The following FRY variants were observed in gnomAD, a reference collection of about 807,000 sequenced individuals.
FRY encodes the protein FRY microtubule binding protein.
A neutral mutation model predicts 348.4 loss-of-function variants in FRY; 128 were observed. The ratio of observed to expected loss-of-function variants is 0.37; its 90% CI spans 0.32 to 0.43. FRY has a LOEUF of 0.43. FRY is among the 20% of genes least tolerant of loss of function. The probability of loss-of-function intolerance (pLI) is 1.00; values close to 1 mark genes in which losing one functional copy is unlikely to be tolerated. For synonymous variants in FRY, 1,370 were observed against 1,374.7 expected, an observed-to-expected ratio of 1.00 and a Z score of 0.08; for missense variants, 2,736 against 3,695.2, an observed-to-expected ratio of 0.74 and a Z score of 6.73.
intron 1 of FRY, among the ~76,000 whole-genome samples, chr13:32,051,202 T>TC (rs1314171466): frequency 1.3e-5 from 2 of 152,222 alleles, no homozygotes; most frequent in Non-Finnish European, 2.9e-5. Context: ...AATGACCGTT[T>TC]CCCTTTTATT....
chr13:32,139,605 G>T (rs1160264155), intron 11 of FRY, among the ~76,000 whole-genome samples: 1 of 152,202 alleles, frequency 6.6e-6, no homozygotes, highest in Non-Finnish European at 1.5e-5. Context: ...TCAGAAGCAG[G>T]TTGCTTTGGG....
At position 32,289,738 on chromosome 13, in the gene FRY, C is replaced by T; in HGVS notation, c.8575C>T (p.Pro2859Ser). 1.9e-6 allele frequency: 3 copies of T among 1,579,896 alleles called. No homozygotes were observed. The highest frequency in any genetic ancestry group is 2.6e-6 in the Non-Finnish European group (3 of 1,148,730). ...IGQVHEVSSM[P>S]ELLNMSRELS... ...CCAGGTGCACGAAGTTAGCTCCATGCCAGAGGTGAGTCCACACGCTTCCCA... is the reference window on the plus strand; with the variant it reads ...CCAGGTGCACGAAGTTAGCTCCATGTCAGAGGTGAGTCCACACGCTTCCCA... Residue 2859 changes from proline (P) to serine (S), a missense_variant, in exon 59 of 61, where the codon CCA becomes TCA. Physicochemically the swap from Pro to Ser is moderately conservative, Grantham distance 74. Coordinates refer to ENST00000542859, the MANE Select transcript of FRY (RefSeq NM_023037.3).
At chr13:32,177,209 A>C (rs532008911) in intron 20 of FRY, among the ~76,000 whole-genome samples, 13 of 152,352 alleles carry the variant, frequency 8.5e-5, no homozygotes, top group African/African-American at 2.9e-4. Flanking sequence ...ACAAAATGGA[A>C]TATAAGAACT....
In FRY at chr13:32,209,122, G is replaced by A; in HGVS notation, c.4275+13G>A. On this transcript the variant is annotated intron_variant, in intron 32 of 60. Coordinates refer to ENST00000542859, the MANE Select transcript of FRY (RefSeq NM_023037.3). ...CATGACGGCCAAGGTAAACTCAGAG[G>A]AATTGTGCTTCAAATAGCATGGCTC... 1 of 1,613,886 alleles carries A rather than the reference G, an allele frequency of 6.2e-7. No homozygotes were observed. Among genetic ancestry groups the A allele is most frequent in the Non-Finnish European group, 8.5e-7 (1 of 1,180,022 alleles).
chr13:32,138,145 G>GT (rs33953205), intron 11 of FRY, among the ~76,000 whole-genome samples: 5,310 of 145,888 alleles, frequency 0.036, 187 homozygotes, highest in East Asian at 0.088. Flanking sequence ...TTGTTTTTTT[G>GT]TTTTTTTTTT....
intron 17 of FRY, among the ~76,000 whole-genome samples, chr13:32,161,849 C>G (rs1434115790): frequency 2.6e-5 from 4 of 152,188 alleles, no homozygotes; most frequent in African/African-American, 9.7e-5. Context: ...CCAATGAGAA[C>G]CTAAAATTTA....
At chr13:32,061,073 G>A (rs1336912811) in intron 1 of FRY, 4 of 532,152 alleles carry the variant, frequency 7.5e-6, no homozygotes, top group Non-Finnish European at 1.5e-5. Flanking sequence ...AGCTGTTCCA[G>A]ACTGTTAGTT....
chr13:32,082,336 G>A (rs1252947549), intron 2 of FRY, among the ~76,000 whole-genome samples: 2 of 151,760 alleles, frequency 1.3e-5, no homozygotes, highest in South Asian at 2.1e-4. Context: ...CCCAAAAGAT[G>A]CTCAGGTCAT....
At chr13:32,178,068 G>C (rs747244213) in intron 20 of FRY, 109 bp from the exon 21 acceptor site, 1 of 1,141,580 alleles carries the variant, frequency 8.8e-7, no homozygotes, top group Non-Finnish European at 1.3e-6. Context: ...AGCCAGCCCA[G>C]TGCACTCAGC....
intron 35 of FRY, among the ~76,000 whole-genome samples, chr13:32,218,105 T>A (rs1418616970): frequency 2.0e-5 from 3 of 152,346 alleles, no homozygotes; most frequent in Non-Finnish European, 4.4e-5. Flanking sequence ...GACCACCTAC[T>A]GTGTGTCAGG....
chr13:32,245,183 C>T (rs941184073), intron 47 of FRY, among the ~76,000 whole-genome samples: 5 of 151,984 alleles, frequency 3.3e-5, no homozygotes, highest in South Asian at 2.1e-4. Context: ...CTCCTGACCT[C>T]GTGATCCACC....
chr13:32,079,102 A>G, intron 2 of FRY, 69 bp downstream of exon 2: 2 of 1,045,608 alleles, frequency 1.9e-6, no homozygotes, highest in East Asian at 2.4e-5. Flanking sequence ...AGATTTAAAC[A>G]CTATAACAAA....
In FRY at chr13:32,236,301, A is replaced by G. The variant is rs1593782164; in HGVS notation, c.5810+129A>G. 7.1e-6 allele frequency: 5 copies of G among 699,646 alleles called. No individual in the cohort carries two copies. In the East Asian group the frequency reaches 1.1e-4, roughly 15 times the overall value. 43.3% of individuals were successfully genotyped at this position (699,646 alleles called of 1,614,324 possible). A position where few individuals can be genotyped will look rare whatever the true frequency, so the allele number is the denominator to read the frequency against. ...AAGTATATTTATGACCTGAAAAAGTATGTGTAATACTTTCTTAAGTTAAAA... is the reference window on the plus strand; with the variant it reads ...AAGTATATTTATGACCTGAAAAAGTGTGTGTAATACTTTCTTAAGTTAAAA... On this transcript the variant is annotated intron_variant, in intron 43 of 60. Transcript: ENST00000542859.
At chr13:32,141,524 G>C (rs542739721) in intron 11 of FRY, among the ~76,000 whole-genome samples, 34 of 152,274 alleles carry the variant, frequency 2.2e-4, no homozygotes, top group African/African-American at 7.9e-4. Flanking sequence ...ACATACATAA[G>C]AATTCCTACA....
At chr13:32,101,877 G>C in intron 2 of FRY, 86 bp from the exon 3 acceptor site, 1 of 832,456 alleles carries the variant, frequency 1.2e-6, no homozygotes, top group Admixed American at 1.8e-5. Flanking sequence ...AAATGAGTGA[G>C]AAAAAATGGA....
rs537284710 is a variant in FRY at position 32,297,038 on chromosome 13, T to G, written c.*1578T>G. On this transcript the variant is annotated 3_prime_UTR_variant, in exon 61 of 61. Transcript: ENST00000542859. ...CCCCAGGAACACAGGGAGAAACATG[T>G]AACAATCTCATTTATGCCGTCTTTC... is the stretch of plus-strand genomic sequence containing the variant. The G allele has an allele frequency of 2.0e-5, 3 of 152,254 alleles. No homozygotes were observed. The highest frequency in any genetic ancestry group is 2.9e-5 in the Non-Finnish European group (2 of 68,034). The allele number at this position is 152,254 out of a possible 1,614,324, so 9.4% of individuals were successfully genotyped here.
intron 2 of FRY, among the ~76,000 whole-genome samples, chr13:32,085,632 G>T (rs1875805320): frequency 6.6e-6 from 1 of 152,138 alleles, no homozygotes; most frequent in African/African-American, 2.4e-5. Flanking sequence ...ACACTCCTGA[G>T]CATGTAGGAG....
intron 31 of FRY, 83 bp downstream of exon 31, chr13:32,202,610 C>T (rs1400267937): frequency 8.4e-7 from 1 of 1,190,216 alleles, no homozygotes; most frequent in East Asian, 2.3e-5. Context: ...GACATGTGAT[C>T]ATTTCTTTGC....
Position 32,208,218 on chromosome 13 carries a change from A to G in FRY, c.4019-635A>G, listed in dbSNP as rs150047986. Among the ~76,000 whole-genome samples, 15 of 152,320 alleles carry G rather than the reference A, an allele frequency of 9.8e-5. No homozygotes were observed. The East Asian group carries it at 2.3e-3, about 23-fold the overall frequency. ...TCTGCAAAGTGGGTTTATTCTTCCTAGAGATCCGCATGTCACTTTTTAACA... is the reference window on the plus strand; with the variant it reads ...TCTGCAAAGTGGGTTTATTCTTCCTGGAGATCCGCATGTCACTTTTTAACA... On this transcript the variant is annotated intron_variant, in intron 31 of 60. Coordinates refer to ENST00000542859, the MANE Select transcript of FRY (RefSeq NM_023037.3).
Sources: gnomAD v4.1 joint callset for allele counts (sites outside exome capture counted in the v4.1 genomes callset) on GRCh38, gnomAD v4.1.1 for gene constraint, MANE v1.5 for transcripts, NCBI Gene and HGNC (gene_info 2026-07-23, HGNC 2026-07-21) for gene names.